DTNB: variants seen among roughly 807,000 people sequenced by gnomAD.
The protein encoded by DTNB is dystrobrevin beta.
DTNB carries 63 observed loss-of-function variants against 90.7 expected under a neutral mutation model. The observed-to-expected ratio is 0.69, with a 90% CI of 0.57 to 0.86. DTNB has a LOEUF of 0.86. DTNB is among the 40% of genes least tolerant of loss of function. The pLI, the probability that DTNB is intolerant of heterozygous loss-of-function variation, is 0.00. For missense variants in DTNB, 744 were observed against 807.1 expected (o/e 0.92, Z 0.95); for synonymous variants, 277 against 286.7 (o/e 0.97, Z 0.34).
intron 1 of DTNB, among the ~76,000 whole-genome samples, chr2:25,657,055 A>T (rs965138450): frequency 2.0e-5 from 3 of 152,184 alleles, no homozygotes; most frequent in African/African-American, 7.2e-5. Context: ...GCATGCCTGT[A>T]ATGCCAGCTA....
intron 6 of DTNB, 92 bp from the exon 7 acceptor site, chr2:25,580,918 G>A (rs1572895868): frequency 9.6e-7 from 1 of 1,040,952 alleles, no homozygotes; most frequent in Non-Finnish European, 1.4e-6. Context: ...CCAAACTTTA[G>A]TGAATTACAC....
intron 1 of DTNB, among the ~76,000 whole-genome samples, chr2:25,655,851 T>G (rs2081971498): frequency 6.6e-6 from 1 of 152,120 alleles, no homozygotes; most frequent in African/African-American, 2.4e-5. Flanking sequence ...GCCTGTCAGG[T>G]AGATCTACCA....
chr2:25,558,315 A>G, intron 8 of DTNB: 1 of 985,436 alleles, frequency 1.0e-6, no homozygotes, highest in African/African-American at 1.7e-5. Context: ...AGAAACAGAT[A>G]AGCAATTCAC....
chr2:25,586,318 T>C (rs1453599189), intron 6 of DTNB, among the ~76,000 whole-genome samples: 7 of 151,606 alleles, frequency 4.6e-5, no homozygotes, highest in Non-Finnish European at 1.0e-4. Flanking sequence ...TGAAACCAGC[T>C]TGGCCAACAT....
At chr2:25,666,548 G>A (rs1032417440) in intron 1 of DTNB, among the ~76,000 whole-genome samples, 11 of 152,178 alleles carry the variant, frequency 7.2e-5, no homozygotes, top group Non-Finnish European at 7.3e-5. Flanking sequence ...ATAAAGTTGA[G>A]AAAGGAGCTT....
At chr2:25,432,424 G>A (rs904475971) in intron 14 of DTNB, among the ~76,000 whole-genome samples, 8 of 152,160 alleles carry the variant, frequency 5.3e-5, no homozygotes, top group African/African-American at 1.9e-4. Flanking sequence ...AAGCCATGGT[G>A]CAAGGGTTTC....
chr2:25,531,605 A>G lies in DTNB; in HGVS notation c.877-8T>C. 1 of 1,612,992 alleles carries G rather than the reference A, an allele frequency of 6.2e-7. No homozygotes were observed. The highest frequency in any genetic ancestry group is 1.7e-5 in the Admixed American group (1 of 59,644). Reference sequence around the variant, plus strand: ...CTTCTTTGCAGGAGATTTCTGTGTCAAAGCAGAAAATAGTAAGGAATTAAC... The same window carrying G: ...CTTCTTTGCAGGAGATTTCTGTGTCGAAGCAGAAAATAGTAAGGAATTAAC... On this transcript the variant is annotated splice_region_variant and splice_polypyrimidine_tract_variant and intron_variant, in intron 8 of 20. Transcript: ENST00000406818.
chr2:25,658,983 G>A (rs965233985), intron 1 of DTNB, among the ~76,000 whole-genome samples: 23 of 151,498 alleles, frequency 1.5e-4, no homozygotes, highest in South Asian at 2.1e-4. Flanking sequence ...GGCTGGTCTC[G>A]AACTCCTGGG....
chr2:25,508,021 G>T (rs2072922697), intron 9 of DTNB, among the ~76,000 whole-genome samples: 1 of 152,050 alleles, frequency 6.6e-6, no homozygotes, highest in South Asian at 2.1e-4. Context: ...TTTCATTAAG[G>T]CCTAAAGCAA....
At chr2:25,391,251 A>G (rs1313362488) in intron 16 of DTNB, among the ~76,000 whole-genome samples, 1 of 152,176 alleles carries the variant, frequency 6.6e-6, no homozygotes, top group Non-Finnish European at 1.5e-5. Context: ...AAGAAAAACT[A>G]GATACATTGA....
chr2:25,584,691 G>T (rs2062084550), intron 6 of DTNB, among the ~76,000 whole-genome samples: 1 of 151,936 alleles, frequency 6.6e-6, no homozygotes, highest in South Asian at 2.1e-4. Flanking sequence ...TAAGTATCTG[G>T]GACTACAGGC....
At chr2:25,540,939 G>A (rs1246302387) in intron 8 of DTNB, among the ~76,000 whole-genome samples, 1 of 151,314 alleles carries the variant, frequency 6.6e-6, no homozygotes, top group Non-Finnish European at 1.5e-5. Context: ...AGGAAAACCA[G>A]AGACCTTTGT....
Position 25,387,491 on chromosome 2 carries a change from A to T in DTNB, c.1736-113T>A. ...CGAGAACACAGGTGTGGAACACCTA[A>T]GGGGAGATGGGGCCACAGCAGCTCC... On this transcript the variant is annotated intron_variant, in intron 17 of 20. Transcript: ENST00000406818. This position sits in a 1 kb window ranked among gnomAD's most constrained non-coding sequence, Gnocchi z 4.5. 8 of 961,950 alleles carry T rather than the reference A, an allele frequency of 8.3e-6. No homozygotes were observed. The highest frequency in any genetic ancestry group is 1.2e-5 in the Non-Finnish European group (8 of 641,174). 59.6% of individuals were successfully genotyped at this position (961,950 alleles called of 1,614,324 possible). A position where few individuals can be genotyped will look rare whatever the true frequency, so the allele number is the denominator to read the frequency against.
chr2:25,548,950 G>T (rs2083021092), intron 8 of DTNB, among the ~76,000 whole-genome samples: 1 of 152,132 alleles, frequency 6.6e-6, no homozygotes, highest in South Asian at 2.1e-4. Flanking sequence ...GGATAAACAG[G>T]CTTGTGCTGA....
chr2:25,607,275 C>T lies in DTNB; in HGVS notation c.409G>A (p.Ala137Thr), dbSNP rs564253498. 7.5e-6 allele frequency: 12 copies of T among 1,607,772 alleles called. No individual in the cohort carries two copies. The South Asian group carries it at 8.9e-5, about 12-fold the overall frequency. ...LTVFSVKAML[A>T]TMCGGKMLDK... is the part of the protein sequence containing the mutation. Reference sequence around the variant, plus strand: ...AGCATTTTTCCACCACACATGGTTGCTAACATAGCTTTAACTGAAAATACC... The same window carrying T: ...AGCATTTTTCCACCACACATGGTTGTTAACATAGCTTTAACTGAAAATACC... Residue 137 changes from alanine to threonine, a missense_variant, in exon 5 of 21, where the codon GCA becomes ACA. Physicochemically the swap from Ala to Thr is moderately conservative, Grantham distance 58. Coordinates refer to ENST00000406818, the MANE Select transcript of DTNB (RefSeq NM_021907.5).
At chr2:25,416,391 G>A (rs976017648) in intron 16 of DTNB, among the ~76,000 whole-genome samples, 1 of 152,174 alleles carries the variant, frequency 6.6e-6, no homozygotes, top group Non-Finnish European at 1.5e-5. Context: ...TAAAATTTTG[G>A]CCGGGCGTGA....
intron 6 of DTNB, among the ~76,000 whole-genome samples, chr2:25,593,575 ATG>A (rs2063969708): frequency 6.6e-6 from 1 of 152,174 alleles, no homozygotes; most frequent in Admixed American, 6.5e-5. Context: ...ATATACAAAA[ATG>A]CAGATTGATT....
intron 15 of DTNB, among the ~76,000 whole-genome samples, chr2:25,427,180 A>C (rs868831183): frequency 1.4e-5 from 2 of 139,570 alleles, no homozygotes. Context: ...TCCATCTCAA[A>C]ACACACACAC....
At chr2:25,531,330 T>G (rs748336774) in intron 9 of DTNB, 143 bp downstream of exon 9, 29 of 1,316,286 alleles carry the variant, frequency 2.2e-5, no homozygotes, top group Non-Finnish European at 2.8e-5. Context: ...GAAGAAAGCT[T>G]GAAGTCTTAA....
Sources: gnomAD v4.1 joint callset for allele counts (sites outside exome capture counted in the v4.1 genomes callset) on GRCh38, gnomAD v4.1.1 for gene constraint, Gnocchi (gnomAD v3.1) non-coding constraint, MANE v1.5 for transcripts, NCBI Gene and HGNC (gene_info 2026-07-23, HGNC 2026-07-21) for gene names.